MLANA: variants seen among roughly 807,000 people sequenced by gnomAD.
The protein encoded by MLANA is melan-A.
In MLANA, 21 loss-of-function variants were observed where a neutral mutation model predicts 15.7. The observed-to-expected ratio is 1.33, with a 90% CI of 0.95 to 1.92. The LOEUF (loss-of-function observed/expected upper bound fraction) is 1.92, where lower values mean the gene tolerates loss of function less well. MLANA is among the 40% of genes most tolerant of loss of function. MLANA has a pLI of 0.00. For synonymous variants in MLANA, 56 were observed against 51.5 expected (o/e 1.09, Z -0.37); for missense variants, 164 against 143.8 (o/e 1.14, Z -0.72).
At chr9:5,907,856 G>C (rs1020352856) in intron 4 of MLANA, among the ~76,000 whole-genome samples, 2 of 152,216 alleles carry the variant, frequency 1.3e-5, no homozygotes, top group African/African-American at 4.8e-5. Context: ...GGGACGCTGA[G>C]GCAGGAGAAT....
Position 5,906,923 on chromosome 9 carries a change from A to T in MLANA, c.213A>T (p.Thr71=). 1 of 1,597,104 alleles carries T rather than the reference A, an allele frequency of 6.3e-7. No homozygotes were observed. Among genetic ancestry groups the T allele is most frequent in the Non-Finnish European group, 8.5e-7 (1 of 1,173,448 alleles). ...SLHVGTQCAL[T]RRCPQEGFDH... ...ATGTTGGCACTCAATGTGCCTTAAC[A>T]AGAAGATGCCCACAAGAAGGGTTTG... is the stretch of plus-strand genomic sequence containing the variant. The change falls in exon 4 of 5, where the codon ACA becomes ACT. Residue 71 remains threonine (T), a synonymous_variant. Coordinates refer to ENST00000381477, the MANE Select transcript of MLANA (RefSeq NM_005511.2).
intron 2 of MLANA, among the ~76,000 whole-genome samples, chr9:5,895,365 G>C (rs887942820): frequency 6.6e-6 from 1 of 151,934 alleles, no homozygotes; most frequent in Non-Finnish European, 1.5e-5. Flanking sequence ...GATGGAGGTA[G>C]GGGAATGGGG....
intron 1 of MLANA, among the ~76,000 whole-genome samples, chr9:5,891,668 C>A (rs1010309276): frequency 6.6e-6 from 1 of 152,010 alleles, no homozygotes; most frequent in Non-Finnish European, 1.5e-5. Context: ...ACGGCCACTG[C>A]AGTTTATGGA....
At position 5,897,591 on chromosome 9, in the gene MLANA, G is replaced by T. The variant is rs772767195; in HGVS notation, c.112G>T (p.Gly38Ter). The stretch of plus-strand genomic sequence containing the variant: ...GATCGGCATCCTGACAGTGATCCTG[G>T]GAGTCTTACTGCTCATCGGCTGTTG... Reference protein sequence around the residue: ...AGIGILTVILGVLLLIGCWYC... With the variant: ...AGIGILTVIL The change falls in exon 3 of 5, where the codon GGA becomes TGA. Residue 38 changes from glycine (G) to a stop codon, truncating the protein, a stop_gained. Coordinates refer to ENST00000381477, the MANE Select transcript of MLANA (RefSeq NM_005511.2). LOFTEE classifies it high-confidence loss of function. 10 of 1,614,148 alleles carry T rather than the reference G, an allele frequency of 6.2e-6. 1 individual carries two copies. In the South Asian group the frequency reaches 7.7e-5, roughly 12 times the overall value.
At chr9:5,892,175 A>G (rs951549727) in intron 1 of MLANA, among the ~76,000 whole-genome samples, 3 of 152,230 alleles carry the variant, frequency 2.0e-5, no homozygotes, top group African/African-American at 7.2e-5. Context: ...TTTTCACCAA[A>G]TAATAACTCA....
chr9:5,906,013 A>G (rs964118722), intron 3 of MLANA, among the ~76,000 whole-genome samples: 1 of 152,150 alleles, frequency 6.6e-6, no homozygotes, highest in African/African-American at 2.4e-5. Context: ...CATTGTTGCT[A>G]TTATTCATTT....
At chr9:5,897,947 G>C in intron 3 of MLANA, 1 of 302,112 alleles carries the variant, frequency 3.3e-6, no homozygotes, top group Non-Finnish European at 6.4e-6. Flanking sequence ...TGGGAGGCTG[G>C]GAACTCCAAG....
intron 3 of MLANA, among the ~76,000 whole-genome samples, chr9:5,903,478 T>C (rs1270600363): frequency 6.6e-6 from 1 of 152,222 alleles, no homozygotes; most frequent in East Asian, 1.9e-4. Context: ...TTTCTTTTCT[T>C]GTAATATCTT....
rs1023422953 is a variant in MLANA, at chr9:5,908,725, T to A, written c.*17T>A. ...TCACCTTAAGAGCCAGCGAGACACC[T>A]GAGACATGCTGAAATTATTTCTCTC... is the stretch of plus-strand genomic sequence containing the variant. On this transcript the variant is annotated 3_prime_UTR_variant, in exon 5 of 5. Transcript: ENST00000381477. 3.7e-6 allele frequency: 6 copies of A among 1,601,464 alleles called. No individual in the cohort carries two copies. The highest frequency in any genetic ancestry group is 5.1e-6 in the Non-Finnish European group (6 of 1,168,676).
rs770274329 is a variant in MLANA, at chr9:5,892,481, A to G, written c.7A>G (p.Arg3Gly). 3 of 1,613,606 alleles carry G rather than the reference A, an allele frequency of 1.9e-6. No homozygotes were observed. Among genetic ancestry groups the G allele is most frequent in the East Asian group, 4.5e-5 (2 of 44,862 alleles). Residue 3 changes from arginine (R) to glycine (G), a missense_variant, in exon 2 of 5, where the codon AGA (arginine) becomes GGA (glycine). By Grantham distance (125) the Arg-to-Gly change is moderately radical (BLOSUM62 -2). Transcript: ENST00000381477. ...TGTGCCCTGACCCTACAAGATGCCA[A>G]GAGAAGATGCTCACTTCATCTATGG... MP[R>G]EDAHFIYGYP...
At position 5,892,485 on chromosome 9, in the gene MLANA, A is replaced by ATC; in HGVS notation, c.11_12insTC (p.Glu4AspfsTer31). 6.2e-7 allele frequency: 1 copy of ATC among 1,613,646 alleles called. No homozygotes were observed. The highest frequency in any genetic ancestry group is 1.1e-5 in the South Asian group (1 of 90,992). On this transcript the variant is annotated frameshift_variant, in exon 2 of 5. Coordinates refer to ENST00000381477, the MANE Select transcript of MLANA (RefSeq NM_005511.2). LOFTEE classifies it high-confidence loss of function. ...CCCTGACCCTACAAGATGCCAAGAG[A>ATC]AGATGCTCACTTCATCTATGGTTAC... is the stretch of plus-strand genomic sequence containing the variant.
At chr9:5,906,765 G>T in intron 3 of MLANA, 120 bp from the exon 4 acceptor site, 1 of 601,950 alleles carries the variant, frequency 1.7e-6, no homozygotes. Flanking sequence ...AAGGCACACA[G>T]CAAGTAAGTG....
chr9:5,903,696 A>G (rs1245201791), intron 3 of MLANA, among the ~76,000 whole-genome samples: 1 of 152,138 alleles, frequency 6.6e-6, no homozygotes, highest in Non-Finnish European at 1.5e-5. Flanking sequence ...GGTACATGCA[A>G]TGTTAGGTGT....
intron 3 of MLANA, 75 bp downstream of exon 3, chr9:5,897,728 G>A: frequency 7.9e-7 from 1 of 1,272,018 alleles, no homozygotes; most frequent in South Asian, 1.2e-5. Flanking sequence ...TGAATCTCTG[G>A]AGAGTCAGAT....
intron 2 of MLANA, among the ~76,000 whole-genome samples, chr9:5,895,581 G>A (rs529603715): frequency 2.6e-5 from 4 of 152,292 alleles, no homozygotes; most frequent in South Asian, 2.1e-4. Context: ...TGGGTATTAT[G>A]TATCTCTTTG....
chr9:5,897,682 CT>C (rs1832124123), intron 3 of MLANA, 29 bp downstream of exon 3: 1 of 1,576,194 alleles, frequency 6.3e-7, no homozygotes, highest in Non-Finnish European at 8.7e-7. Context: ...GCTGAAATCC[CT>C]CCAAGTCCAG....
At chr9:5,902,237 T>A (rs1365162137) in intron 3 of MLANA, among the ~76,000 whole-genome samples, 1 of 150,184 alleles carries the variant, frequency 6.7e-6, no homozygotes, top group African/African-American at 2.5e-5. Flanking sequence ...TTTTGACAGA[T>A]TGTGTCTTTC....
intron 3 of MLANA, chr9:5,898,804 A>C (rs955961995): frequency 6.6e-6 from 1 of 152,168 alleles, no homozygotes; most frequent in African/African-American, 2.4e-5. Flanking sequence ...ACTCTACACT[A>C]AGCATCCCAG....
chr9:5,909,535 GGCGTGA>G lies in MLANA; in HGVS notation c.*830_*835del, dbSNP rs1833035812. The G allele has an allele frequency of 6.6e-6, 1 of 152,312 alleles. No individual in the cohort carries two copies. The highest frequency in any genetic ancestry group is 1.5e-5 in the Non-Finnish European group (1 of 68,112). 9.4% of individuals were successfully genotyped at this position (152,312 alleles called of 1,614,324 possible). ...AGCCTCCCAAAGTGCTGGAATTACA[GGCGTGA>G]GCCACCACGCCTGGCTGGATCCTAT... On this transcript the variant is annotated 3_prime_UTR_variant, in exon 5 of 5. Transcript: ENST00000381477.
Sources: gnomAD v4.1 joint callset for allele counts (sites outside exome capture counted in the v4.1 genomes callset) on GRCh38, gnomAD v4.1.1 for gene constraint, MANE v1.5 for transcripts, NCBI Gene and HGNC (gene_info 2026-07-23, HGNC 2026-07-21) for gene names.